CIMIP2A: variants seen among roughly 807,000 people sequenced by gnomAD.
CIMIP2A encodes ciliary microtubule inner protein 2A.
the CIMIP2A span, among the ~76,000 whole-genome samples, chr9:137,253,987 G>T: frequency 6.6e-6 from 1 of 152,142 alleles, no homozygotes; most frequent in Non-Finnish European, 1.5e-5. Flanking sequence ...ACCCTGCACT[G>T]CCCCTGCCTG....
At chr9:137,252,235 C>T in the CIMIP2A span, 9 of 1,484,016 alleles carry the variant, frequency 6.1e-6, no homozygotes, top group East Asian at 2.3e-5. Context: ...CCTGAGGGCC[C>T]CTCCACCCTT....
chr9:137,249,239 G>C, the CIMIP2A span, among the ~76,000 whole-genome samples: 3 of 152,314 alleles, frequency 2.0e-5, no homozygotes, highest in Non-Finnish European at 4.4e-5. Flanking sequence ...CATGCTGACT[G>C]TGTGTTGAGA....
At chr9:137,251,867 C>A in the CIMIP2A span, 7 of 1,608,614 alleles carry the variant, frequency 4.4e-6, no homozygotes, top group Non-Finnish European at 5.9e-6. Flanking sequence ...AGTCCCTGCC[C>A]ACCTACACCC....
the CIMIP2A span, chr9:137,244,242 C>G: frequency 4.3e-6 from 7 of 1,613,848 alleles, no homozygotes; most frequent in African/African-American, 4.0e-5. Context: ...CCAGTGTGTT[C>G]CAGGCAGCTT....
At chr9:137,245,467 G>C in the CIMIP2A span, 3 of 1,613,946 alleles carry the variant, frequency 1.9e-6, no homozygotes, top group East Asian at 6.7e-5. Context: ...AATCTGTCTG[G>C]GTATGTTCTC....
At chr9:137,246,554 G>A in the CIMIP2A span, among the ~76,000 whole-genome samples, 3 of 152,076 alleles carry the variant, frequency 2.0e-5, no homozygotes, top group African/African-American at 7.2e-5. Context: ...ACGAGGTCAG[G>A]AGATCAAGAC....
At chr9:137,248,837 C>T in the CIMIP2A span, among the ~76,000 whole-genome samples, 2 of 152,174 alleles carry the variant, frequency 1.3e-5, no homozygotes, top group Non-Finnish European at 2.9e-5. Context: ...CGCTGCACTT[C>T]AGCCTGGGCA....
At chr9:137,244,749 A>G in the CIMIP2A span, 2 of 1,611,162 alleles carry the variant, frequency 1.2e-6, no homozygotes, top group Non-Finnish European at 8.5e-7. Context: ...GGGGGTAGGC[A>G]GATGTACGGG....
the CIMIP2A span, chr9:137,251,119 G>A: frequency 9.5e-6 from 6 of 631,706 alleles, no homozygotes; most frequent in Middle Eastern, 4.2e-4. Context: ...AGGCGGACCC[G>A]CTGATCATCT....
At chr9:137,246,365 G>C in the CIMIP2A span, among the ~76,000 whole-genome samples, 547 of 152,266 alleles carry the variant, frequency 3.6e-3, 3 homozygotes, top group African/African-American at 0.013. Flanking sequence ...GGGCTTTTCC[G>C]GGCCCTCATT....
the CIMIP2A span, chr9:137,251,203 T>G: frequency 1.0e-6 from 1 of 997,968 alleles, no homozygotes; most frequent in East Asian, 2.4e-5. Flanking sequence ...TGTGTCTTCC[T>G]CAGGAGTCCC....
the CIMIP2A span, chr9:137,245,191 G>T: frequency 1.8e-5 from 15 of 827,854 alleles, no homozygotes; most frequent in South Asian, 2.1e-4. Flanking sequence ...GCGGGGGGTG[G>T]GTACTCATCC....
At chr9:137,244,687 G>A in the CIMIP2A span, 11 of 1,613,690 alleles carry the variant, frequency 6.8e-6, no homozygotes, top group African/African-American at 1.3e-5. Context: ...CGCCGTCTCG[G>A]TAATTCAACC....
chr9:137,245,434 G>A, the CIMIP2A span: 1 of 1,613,918 alleles, frequency 6.2e-7, no homozygotes, highest in South Asian at 1.1e-5. Context: ...CGGGGTGTCG[G>A]GCGTGAAGCC....
chr9:137,249,209 A>C, the CIMIP2A span, among the ~76,000 whole-genome samples: 1 of 152,212 alleles, frequency 6.6e-6, no homozygotes, highest in Non-Finnish European at 1.5e-5. Context: ...AAGGGCATAA[A>C]GCAGGACCAT....
At chr9:137,245,600 G>A in the CIMIP2A span, 3,679 of 1,613,356 alleles carry the variant, frequency 2.3e-3, 55 homozygotes, top group African/African-American at 0.037. Flanking sequence ...ACAGGCAGGC[G>A]GGCACAGGAG....
chr9:137,254,957 T>G, the CIMIP2A span, among the ~76,000 whole-genome samples: 1 of 152,202 alleles, frequency 6.6e-6, no homozygotes, highest in East Asian at 1.9e-4. Context: ...TCTGCGCCTG[T>G]GTCCGGCCCC....
the CIMIP2A span, chr9:137,251,592 G>A: frequency 2.7e-6 from 3 of 1,128,796 alleles, no homozygotes; most frequent in Non-Finnish European, 3.7e-6. Flanking sequence ...GGAGCGGCCA[G>A]GGGCTGAGGG....
chr9:137,244,398 C>T, the CIMIP2A span: 4 of 1,574,994 alleles, frequency 2.5e-6, no homozygotes, highest in South Asian at 2.4e-5. Context: ...GGGAAAGCTG[C>T]TAATGCTCCC....
Sources: allele counts gnomAD v4.1 joint callset (sites outside exome capture counted in the v4.1 genomes callset), GRCh38; gene constraint gnomAD v4.1.1; transcripts MANE v1.5; gene names NCBI Gene and HGNC (gene_info 2026-07-23, HGNC 2026-07-21).